The following EVC variants were observed in gnomAD, a reference collection of about 807,000 sequenced individuals.
EVC encodes EvC ciliary complex subunit 1.
Under a neutral mutation model 118.9 loss-of-function variants are expected in EVC, and 116 were observed. The observed-to-expected ratio is 0.98, with a 90% CI of 0.84 to 1.14. The LOEUF (loss-of-function observed/expected upper bound fraction) is 1.14, where lower values mean the gene tolerates loss of function less well. EVC is among the 50% of genes most tolerant of loss of function. EVC has a pLI of 0.00. For missense variants in EVC, 1,401 were observed against 1,246.4 expected, an observed-to-expected ratio of 1.12 and a Z score of -1.87; for synonymous variants, 619 against 534.7, an observed-to-expected ratio of 1.16 and a Z score of -2.18.
At chr4:5,722,906 TGAG>T (rs1429963535) in intron 2 of EVC, among the ~76,000 whole-genome samples, 2 of 152,196 alleles carry the variant, frequency 1.3e-5, no homozygotes, top group Non-Finnish European at 2.9e-5. Flanking sequence ...CTGACCTTAA[TGAG>T]GAGAGCTTTA....
In EVC at chr4:5,756,278, C is replaced by T. The variant is rs751325286; in HGVS notation, c.1479C>T (p.Val493=). ...TTTCCTCACAGGCTTTTCATGAGGT[C>T]CTGGAGAGGCAGAGGCTGATGCAGT... The part of the protein sequence containing the change: ...PEKFLEAFHE[V]LERQRLMQCD... Residue 493 remains valine, a synonymous_variant, in exon 11 of 21, where the codon GTC becomes GTT. Coordinates refer to ENST00000264956, the MANE Select transcript of EVC (RefSeq NM_153717.3). This position sits in a 1 kb window ranked among gnomAD's most constrained non-coding sequence, Gnocchi z 4.2. 6.2e-7 allele frequency: 1 copy of T among 1,612,444 alleles called. No individual in the cohort carries two copies. Among genetic ancestry groups the T allele is most frequent in the Non-Finnish European group, 8.5e-7 (1 of 1,179,604 alleles).
the EVC span, among the ~76,000 whole-genome samples, chr4:5,820,128 G>C: frequency 6.6e-6 from 1 of 152,166 alleles, no homozygotes; most frequent in South Asian, 2.1e-4. Flanking sequence ...CTCACTCTGA[G>C]TCAGTTTCCT....
At chr4:5,815,787 A>G (rs745546063), downstream of EVC, among the ~76,000 whole-genome samples, 33 of 152,138 alleles carry the variant, frequency 2.2e-4, no homozygotes, top group Non-Finnish European at 4.6e-4. Context: ...TTCGCACCTG[A>G]CGTCCCCCCT....
At chr4:5,824,832 T>C in the EVC span, 6 of 985,408 alleles carry the variant, frequency 6.1e-6, no homozygotes, top group Non-Finnish European at 7.2e-6. Flanking sequence ...TTTCTCAACG[T>C]GTGCGTGCCT....
At chr4:5,820,429 G>A in the EVC span, among the ~76,000 whole-genome samples, 2 of 152,182 alleles carry the variant, frequency 1.3e-5, no homozygotes, top group Admixed American at 6.5e-5. Context: ...GAAATGGAAG[G>A]AAGAAATGTG....
chr4:5,772,134 G>C (rs192355385), intron 11 of EVC, among the ~76,000 whole-genome samples: 9 of 152,092 alleles, frequency 5.9e-5, no homozygotes, highest in Admixed American at 2.0e-4. Context: ...CTGACTTCGC[G>C]ATCCGCCCGC....
At chr4:5,793,536 C>A in intron 12 of EVC, 72 bp from the exon 13 acceptor site, 1 of 1,277,992 alleles carries the variant, frequency 7.8e-7, no homozygotes, top group Non-Finnish European at 1.1e-6. Context: ...AAACAAAATG[C>A]ACAATCCTAG....
rs1235046462 is a variant in EVC, at chr4:5,770,984, C to T, written c.1564-12568C>T. ...ACGAGATCGCACCATTGCACTCCAG[C>T]CTGGGTGACAGAGCGAGACTTCATT... On this transcript the variant is annotated intron_variant, in intron 11 of 20. Coordinates refer to ENST00000264956, the MANE Select transcript of EVC (RefSeq NM_153717.3). Among the ~76,000 whole-genome samples, 4 of 151,132 alleles carry T rather than the reference C, an allele frequency of 2.6e-5. No homozygotes were observed. In the Admixed American group the frequency reaches 2.7e-4, roughly 10 times the overall value.
chr4:5,735,630 T>C (rs1418859509), intron 5 of EVC, among the ~76,000 whole-genome samples: 1 of 152,188 alleles, frequency 6.6e-6, no homozygotes, highest in Non-Finnish European at 1.5e-5. Context: ...TTTTACTTTT[T>C]TGAAGCTTTA....
intron 12 of EVC, among the ~76,000 whole-genome samples, chr4:5,792,187 C>G (rs897047854): frequency 1.3e-5 from 2 of 152,066 alleles, no homozygotes; most frequent in Non-Finnish European, 1.5e-5. Flanking sequence ...TCCAAGCATC[C>G]CATTAGTCAC....
intron 11 of EVC, among the ~76,000 whole-genome samples, chr4:5,766,679 C>G (rs1268905546): frequency 4.3e-5 from 6 of 139,636 alleles, no homozygotes; most frequent in African/African-American, 1.6e-4. Flanking sequence ...GATACCCTTT[C>G]TTCCAGTTGA....
chr4:5,809,777 C>T (rs372140272), intron 19 of EVC, among the ~76,000 whole-genome samples, 166 bp downstream of exon 19: 3 of 152,100 alleles, frequency 2.0e-5, no homozygotes, highest in Non-Finnish European at 4.4e-5. Context: ...GCTAGGCCAC[C>T]CCTCAGGCCC....
intron 17 of EVC, among the ~76,000 whole-genome samples, chr4:5,807,730 G>T (rs540318974): frequency 6.6e-6 from 1 of 152,286 alleles, no homozygotes; most frequent in South Asian, 2.1e-4. Context: ...GGAGGGGCCG[G>T]GGCAGTTCTG....
downstream of EVC, among the ~76,000 whole-genome samples, chr4:5,816,741 C>A (rs555503685): frequency 1.3e-5 from 2 of 150,422 alleles, no homozygotes; most frequent in Non-Finnish European, 3.0e-5. Flanking sequence ...GGGCTGTCAG[C>A]TGCATCGCAA....
the EVC span, chr4:5,824,538 C>G: frequency 7.1e-6 from 7 of 984,622 alleles, no homozygotes; most frequent in African/African-American, 1.2e-4. Context: ...AAGCATATCG[C>G]CTTTCCTGAC....
chr4:5,714,056 G>A (rs997472433), intron 1 of EVC, among the ~76,000 whole-genome samples: 4 of 152,214 alleles, frequency 2.6e-5, no homozygotes, highest in Admixed American at 6.5e-5. Flanking sequence ...GCTGTTCCCC[G>A]TACACCTCTG....
chr4:5,748,737 A>T (rs6831536), intron 8 of EVC, among the ~76,000 whole-genome samples: 1 of 104,206 alleles, frequency 9.6e-6, no homozygotes, highest in Non-Finnish European at 2.0e-5. Context: ...TCCACCCATC[A>T]ATCCACCCAT....
chr4:5,757,911 C>T (rs1417098087), intron 11 of EVC, among the ~76,000 whole-genome samples: 1 of 152,142 alleles, frequency 6.6e-6, no homozygotes, highest in East Asian at 1.9e-4. Context: ...GAGGGAGACA[C>T]AATTTAGTCC....
chr4:5,813,751 G>C lies in EVC; in HGVS notation c.*2714G>C, dbSNP rs1470542573. On this transcript the variant is annotated 3_prime_UTR_variant, in exon 21 of 21. Coordinates refer to ENST00000264956, the MANE Select transcript of EVC (RefSeq NM_153717.3). ...CTTGTAGCCTGAATGCCTGGCTGTC[G>C]CATGGAGCATTTTGCTTCTGGGGTG... is the stretch of plus-strand genomic sequence containing the variant. 1.1e-4 allele frequency: 16 copies of C among 152,188 alleles called. No individual in the cohort carries two copies. Among genetic ancestry groups the C allele is most frequent in the Admixed American group, 1.0e-3 (16 of 15,284 alleles). The allele number at this position is 152,188 out of a possible 1,614,324, so 9.4% of individuals were successfully genotyped here.
Sources: allele counts gnomAD v4.1 joint callset (sites outside exome capture counted in the v4.1 genomes callset), GRCh38; gene constraint gnomAD v4.1.1; non-coding constraint Gnocchi (gnomAD v3.1); transcripts MANE v1.5; gene names NCBI Gene and HGNC (gene_info 2026-07-23, HGNC 2026-07-21).